The following CEP250 variants were observed in gnomAD, a reference collection of about 807,000 sequenced individuals.
CEP250 encodes the protein centrosome-associated protein CEP250.
Under a neutral mutation model 315.7 loss-of-function variants are expected in CEP250, and 242 were observed. The observed-to-expected ratio is 0.77, with a 90% CI of 0.69 to 0.85. The LOEUF is 0.85. CEP250 is among the 40% of genes least tolerant of loss of function. The probability of loss-of-function intolerance (pLI) is 0.00; values close to 1 mark genes in which losing one functional copy is unlikely to be tolerated. For synonymous variants in CEP250, 1,088 were observed against 1,175.0 expected (o/e 0.93, Z 1.51); for missense variants, 2,515 against 2,886.4 (o/e 0.87, Z 2.95).
chr20:35,490,526 C>T (rs1456477855), intron 20 of CEP250, 111 bp from the exon 21 acceptor site: 2 of 935,770 alleles, frequency 2.1e-6, no homozygotes, highest in Admixed American at 5.7e-5. Context: ...TAGAGAGGTA[C>T]CAAGGTCACC....
At chr20:35,502,361 C>T in intron 29 of CEP250, 29 bp from the exon 30 acceptor site, 1 of 1,574,334 alleles carries the variant, frequency 6.4e-7, no homozygotes, top group East Asian at 2.2e-5. Flanking sequence ...GAAGTGTAGT[C>T]TAAAGTGGCT....
At position 35,473,949 on chromosome 20, in the gene CEP250, C is replaced by G. The variant is rs776554898; in HGVS notation, c.1468C>G (p.Arg490Gly). ...EVLEQEAWRL[R>G]RVNVELQLQG... is the part of the protein sequence containing the mutation. ...GCTAGAGCAGGAGGCATGGCGCCTG[C>G]GAAGGGTAAATGTGGAGCTTCAGCT... is the stretch of plus-strand genomic sequence containing the variant. The change falls in exon 14 of 35, where the codon CGA (arginine) becomes GGA (glycine). Residue 490 changes from arginine to glycine, a missense_variant. By Grantham distance (125) the Arg-to-Gly change is moderately radical. Transcript: ENST00000397527. 1 of 1,611,692 alleles carries G rather than the reference C, an allele frequency of 6.2e-7. No individual in the cohort carries two copies. Among genetic ancestry groups the G allele is most frequent in the Non-Finnish European group, 8.5e-7 (1 of 1,179,282 alleles).
intron 32 of CEP250, 31 bp from the exon 33 acceptor site, chr20:35,508,912 G>C (rs989748208): frequency 6.5e-7 from 1 of 1,533,972 alleles, no homozygotes; most frequent in Admixed American, 2.0e-5. Flanking sequence ...GAGCCAAGCC[G>C]AGCCCTGATT....
In CEP250 at chr20:35,513,759, G is replaced by T. The variant is rs978459572; in HGVS notation, c.*2133G>T. On this transcript the variant is annotated 3_prime_UTR_variant, in exon 35 of 35. Coordinates refer to ENST00000397527, the MANE Select transcript of CEP250 (RefSeq NM_007186.6). ...CACATACCTTCTGGGCCTCAGAGAG[G>T]TTCCAGCAGCTGAAAGACATCTTAG... The T allele has an allele frequency of 6.6e-6, 1 of 152,242 alleles. No homozygotes were observed. The highest frequency in any genetic ancestry group is 1.5e-5 in the Non-Finnish European group (1 of 68,064). 9.4% of individuals were successfully genotyped at this position (152,242 alleles called of 1,614,324 possible).
chr20:35,456,786 C>CTT (rs3838370), intron 1 of CEP250, among the ~76,000 whole-genome samples: 1,428 of 141,334 alleles, frequency 0.01, 28 homozygotes, highest in African/African-American at 0.032. Context: ...CCTCCCCCCA[C>CTT]TTTTTTTTTT....
In CEP250 at chr20:35,463,679, A is replaced by C. The variant is rs762845938; in HGVS notation, c.243+48A>C. ...CACCCCCTGGGTCCTCAGTGAATAT[A>C]CTTGTTAGGTTTCATTTGTTGACTG... On this transcript the variant is annotated intron_variant, in intron 5 of 34. Coordinates refer to ENST00000397527, the MANE Select transcript of CEP250 (RefSeq NM_007186.6). 15 of 1,501,498 alleles carry C rather than the reference A, an allele frequency of 1.0e-5. No homozygotes were observed. In the African/African-American group the frequency reaches 2.1e-4, roughly 21 times the overall value. The allele number at this position is 1,501,498 out of a possible 1,614,324, so 93.0% of individuals were successfully genotyped here.
intron 12 of CEP250, 28 bp from the exon 13 acceptor site, chr20:35,473,346 T>C: frequency 6.3e-7 from 1 of 1,580,220 alleles, no homozygotes; most frequent in Non-Finnish European, 8.6e-7. Flanking sequence ...TTGTTCATCA[T>C]CTGGTTTCTC....
At chr20:35,508,697 C>G (rs2064266981) in intron 32 of CEP250, among the ~76,000 whole-genome samples, 1 of 152,236 alleles carries the variant, frequency 6.6e-6, no homozygotes, top group Non-Finnish European at 1.5e-5. Flanking sequence ...ACAGTACTTA[C>G]TGCAGGAGAA....
chr20:35,480,262 C>A, intron 20 of CEP250, 117 bp downstream of exon 20: 1 of 1,018,780 alleles, frequency 9.8e-7, no homozygotes, highest in Non-Finnish European at 1.4e-6. Context: ...CTGTAAAATC[C>A]AACTTCCTGC....
chr20:35,496,580 G>C lies in CEP250; in HGVS notation c.3171G>C (p.Leu1057=), dbSNP rs1045729319. Residue 1057 remains leucine, a synonymous_variant, in exon 25 of 35, where the codon CTG becomes CTC. Transcript: ENST00000397527. Reference sequence around the variant, plus strand: ...ACTCTGACCCCTCTCTTTTTAGCCTGACTCTCTCACTGATGGAAAAGGAAC... The same window carrying C: ...ACTCTGACCCCTCTCTTTTTAGCCTCACTCTCTCACTGATGGAAAAGGAAC... ...QKELEREKAS[L]TLSLMEKEQR... 4 of 1,613,348 alleles carry C rather than the reference G, an allele frequency of 2.5e-6. No individual in the cohort carries two copies. Among genetic ancestry groups the C allele is most frequent in the Non-Finnish European group, 3.4e-6 (4 of 1,179,800 alleles).
chr20:35,498,521 G>A, intron 26 of CEP250, 74 bp from the exon 27 acceptor site: 1 of 1,562,230 alleles, frequency 6.4e-7, no homozygotes, highest in South Asian at 1.2e-5. Flanking sequence ...GAAGGACAGG[G>A]CTGTGTCTGG....
chr20:35,470,535 A>G (rs2062998833), intron 10 of CEP250, among the ~76,000 whole-genome samples: 2 of 152,184 alleles, frequency 1.3e-5, no homozygotes, highest in Non-Finnish European at 2.9e-5. Context: ...AGATCACCTG[A>G]GGTCGGGAGT....
chr20:35,479,413 A>G lies in CEP250; in HGVS notation c.2277A>G (p.Leu759=). 2 of 1,613,558 alleles carry G rather than the reference A, an allele frequency of 1.2e-6. No individual in the cohort carries two copies. Among genetic ancestry groups the G allele is most frequent in the African/African-American group, 1.3e-5 (1 of 75,032 alleles). The part of the protein sequence containing the change: ...ERDRQDLAEQ[L]QGLSSAKELL... ...ACCGGCAGGACCTCGCTGAACAACT[A>G]CAGGGGCTCAGGTAGGGCCCAGACT... The change falls in exon 18 of 35, where the codon CTA becomes CTG. Residue 759 remains leucine (L), a synonymous_variant. Transcript: ENST00000397527.
intron 9 of CEP250, 146 bp downstream of exon 9, chr20:35,467,701 G>A (rs957698122): frequency 2.2e-6 from 2 of 920,422 alleles, no homozygotes; most frequent in African/African-American, 3.3e-5. Context: ...TTTGAAACCT[G>A]ATGCCACAGT....
chr20:35,476,608 T>A lies in CEP250; in HGVS notation c.1863+13T>A, dbSNP rs2146835759. 1 of 1,608,632 alleles carries A rather than the reference T, an allele frequency of 6.2e-7. No individual in the cohort carries two copies. The highest frequency in any genetic ancestry group is 2.2e-5 in the East Asian group (1 of 44,670). The stretch of plus-strand genomic sequence containing the variant: ...GCAGCTTCTCCAGGTGAGCAAAGAT[T>A]TTCCTGGTCCCCACAGAAGGGCTGG... On this transcript the variant is annotated intron_variant, in intron 16 of 34. Coordinates refer to ENST00000397527, the MANE Select transcript of CEP250 (RefSeq NM_007186.6).
chr20:35,480,176 C>G lies in CEP250; in HGVS notation c.2586+31C>G, dbSNP rs773466893. ...TGGTCAATGTGGCCGGGTATGGCCT[C>G]CCTTCCATGAGTGCTCTACCTGCTG... On this transcript the variant is annotated intron_variant, in intron 20 of 34. Transcript: ENST00000397527. 8.2e-6 allele frequency: 13 copies of G among 1,587,560 alleles called. No homozygotes were observed. In the East Asian group the frequency reaches 2.7e-4, roughly 33 times the overall value.
At chr20:35,467,844 T>C (rs1225401904) in intron 9 of CEP250, among the ~76,000 whole-genome samples, 1 of 151,994 alleles carries the variant, frequency 6.6e-6, no homozygotes, top group Non-Finnish European at 1.5e-5. Context: ...AGCCAAGCTC[T>C]TCCCCCTCCC....
chr20:35,509,073 TAGAG>T, intron 33 of CEP250, 29 bp downstream of exon 33: 3 of 1,531,764 alleles, frequency 2.0e-6, no homozygotes, highest in East Asian at 4.9e-5. Context: ...GCTGCAGCCT[TAGAG>T]AGCCCAACCC....
chr20:35,496,205 C>T (rs1020167088), intron 24 of CEP250, among the ~76,000 whole-genome samples: 9 of 152,090 alleles, frequency 5.9e-5, no homozygotes, highest in Non-Finnish European at 1.0e-4. Flanking sequence ...GGCATGGTGG[C>T]GCATGCCTGC....
Sources: gnomAD v4.1 joint callset for allele counts (sites outside exome capture counted in the v4.1 genomes callset) on GRCh38, gnomAD v4.1.1 for gene constraint, MANE v1.5 for transcripts, NCBI Gene and HGNC (gene_info 2026-07-23, HGNC 2026-07-21) for gene names.